The following LONRF1 variants were observed in gnomAD, a reference collection of about 807,000 sequenced individuals.
The protein encoded by LONRF1 is LON peptidase N-terminal domain and ring finger 1, also known as LON peptidase N-terminal domain and RING finger protein 1.
In LONRF1, 37 loss-of-function variants were observed where a neutral mutation model predicts 85.8. The ratio of observed to expected loss-of-function variants is 0.43; its 90% confidence interval spans 0.33 to 0.57. The LOEUF (loss-of-function observed/expected upper bound fraction) is 0.57. Among genes scored for constraint, LONRF1 ranks in the 20% least tolerant of loss-of-function variants. The pLI is 0.04. For missense variants in LONRF1, 1,036 were observed against 978.0 expected, an observed-to-expected ratio of 1.06 and a Z score of -0.79; for synonymous variants, 517 against 390.1, an observed-to-expected ratio of 1.33 and a Z score of -3.83.
Position 12,725,332 on chromosome 8 carries a change from G to A in LONRF1, c.2163+395C>T, listed in dbSNP as rs1013571070. On this transcript the variant is annotated intron_variant, in intron 11 of 11. Transcript: ENST00000398246. ...AAGATGTTTCAAATGTATAGAAAAT[G>A]GTAAGTCTCTCTGCTGTCAAAGAAT... 1.8e-4 allele frequency among the ~76,000 whole-genome samples: 28 copies of A among 152,190 alleles called. 1 individual carries two copies. The highest frequency in any genetic ancestry group is 6.3e-4 in the African/African-American group (26 of 41,444).
At chr8:12,746,223 T>C (rs1267580644) in intron 1 of LONRF1, among the ~76,000 whole-genome samples, 1 of 152,154 alleles carries the variant, frequency 6.6e-6, no homozygotes, top group Non-Finnish European at 1.5e-5. Flanking sequence ...CTACTCTACC[T>C]ATATCCTTAC....
intron 1 of LONRF1, among the ~76,000 whole-genome samples, chr8:12,750,015 G>A (rs1373346458): frequency 6.6e-6 from 1 of 152,096 alleles, no homozygotes; most frequent in Non-Finnish European, 1.5e-5. Flanking sequence ...TTTATGTTTT[G>A]CGTGCTAATT....
Position 12,755,037 on chromosome 8 carries a change from GC to G in LONRF1, c.383del (p.Gly128AlafsTer3), listed in dbSNP as rs1200952040. ...GGLLRCLGCR[G>X]FLSEPVTVPC... Reference sequence around the variant, plus strand: ...GCACGGTCACCGGCTCGCTCAGGAAGCCCCGGCAGCCCAGGCATCTGAGGAG... The same window carrying G: ...GCACGGTCACCGGCTCGCTCAGGAAGCCCGGCAGCCCAGGCATCTGAGGAG... On this transcript the variant is annotated frameshift_variant, in exon 1 of 12. Transcript: ENST00000398246. LOFTEE classifies it high-confidence loss of function. 1 of 1,490,574 alleles carries G rather than the reference GC, an allele frequency of 6.7e-7. No individual in the cohort carries two copies. 92.3% of individuals were successfully genotyped at this position (1,490,574 alleles called of 1,614,324 possible). A position where few individuals can be genotyped will look rare whatever the true frequency, so the allele number is the denominator to read the frequency against.
chr8:12,744,425 T>C (rs1315470806), intron 1 of LONRF1, among the ~76,000 whole-genome samples: 2 of 152,148 alleles, frequency 1.3e-5, no homozygotes, highest in African/African-American at 2.4e-5. Context: ...GTCTAGAATA[T>C]TGTGTCTTGT....
At position 12,723,094 on chromosome 8, in the gene LONRF1, AG is replaced by A. The variant is rs753356142; in HGVS notation, c.*1del. On this transcript the variant is annotated 3_prime_UTR_variant, in exon 12 of 12. Coordinates refer to ENST00000398246, the MANE Select transcript of LONRF1 (RefSeq NM_152271.5). ...ACTTTAAAGGGAGATCCAAAGAGTT[AG>A]TTACTTAGATTGGTCTCTAGAAAAA... 3.0e-5 allele frequency: 49 copies of A among 1,607,876 alleles called. No individual in the cohort carries two copies. In the African/African-American group the frequency reaches 6.0e-4, roughly 20 times the overall value.
Position 12,725,377 on chromosome 8 carries a change from C to T in LONRF1, c.2163+350G>A, listed in dbSNP as rs982442553. ...AAGAATAACAGCAACAGGCGATGGG[C>T]TCAAAGGCATGGTTAGTTGTCCCAC... On this transcript the variant is annotated intron_variant, in intron 11 of 11. Coordinates refer to ENST00000398246, the MANE Select transcript of LONRF1 (RefSeq NM_152271.5). Among the ~76,000 whole-genome samples, 8 of 152,280 alleles carry T rather than the reference C, an allele frequency of 5.3e-5. No homozygotes were observed. In the East Asian group the frequency reaches 1.5e-3, roughly 29 times the overall value.
chr8:12,754,639 C>G, intron 1 of LONRF1, 61 bp downstream of exon 1: 3 of 1,258,196 alleles, frequency 2.4e-6, no homozygotes, highest in Non-Finnish European at 3.0e-6. Context: ...CTCCGGGTCC[C>G]CGGCCCTCGG....
At chr8:12,724,335 G>A (rs1216233162) in intron 11 of LONRF1, among the ~76,000 whole-genome samples, 1 of 152,184 alleles carries the variant, frequency 6.6e-6, no homozygotes, top group Non-Finnish European at 1.5e-5. Flanking sequence ...CTCCACTGCT[G>A]TAGACTGAGA....
At position 12,735,361 on chromosome 8, in the gene LONRF1, C is replaced by A. The variant is rs749250438; in HGVS notation, c.1491G>T (p.Ser497=). The A allele has an allele frequency of 7.5e-6, 12 of 1,607,344 alleles. No homozygotes were observed. The highest frequency in any genetic ancestry group is 4.5e-5 in the East Asian group (2 of 44,804). ...AACGCTCAAGACAATTCTTACAGAACGAATGTCCGCAAGGGGTTGTTACTG... is the reference window on the plus strand; with the variant it reads ...AACGCTCAAGACAATTCTTACAGAAAGAATGTCCGCAAGGGGTTGTTACTG... ...FEPVTTPCGH[S]FCKNCLERCL... Residue 497 remains serine, a synonymous_variant, in exon 7 of 12, where the codon TCG becomes TCT. Coordinates refer to ENST00000398246, the MANE Select transcript of LONRF1 (RefSeq NM_152271.5).
At chr8:12,745,280 T>C (rs982680667) in intron 1 of LONRF1, among the ~76,000 whole-genome samples, 2 of 150,770 alleles carry the variant, frequency 1.3e-5, no homozygotes, top group Non-Finnish European at 2.9e-5. Flanking sequence ...AATGCTCTTA[T>C]TGAAAATGTT....
rs1003907896 is a variant in LONRF1 at position 12,735,406 on chromosome 8, A to C, written c.1452-6T>G. 6.5e-7 allele frequency: 1 copy of C among 1,549,006 alleles called. No homozygotes were observed. Among genetic ancestry groups the C allele is most frequent in the Non-Finnish European group, 8.9e-7 (1 of 1,127,326 alleles). ...TTACTGGCTCAAAAAACAACCTGAA[A>C]TCAACCAAGATACATGTTAGTTTTC... is the stretch of plus-strand genomic sequence containing the variant. On this transcript the variant is annotated splice_polypyrimidine_tract_variant and splice_region_variant and intron_variant, in intron 6 of 11. Transcript: ENST00000398246.
At chr8:12,741,249 G>A (rs963032083) in intron 2 of LONRF1, among the ~76,000 whole-genome samples, 2 of 151,962 alleles carry the variant, frequency 1.3e-5, no homozygotes, top group African/African-American at 4.8e-5. Context: ...CCAGGCACGG[G>A]GGCATGCACC....
chr8:12,750,144 A>T (rs1799320084), intron 1 of LONRF1, among the ~76,000 whole-genome samples: 1 of 152,216 alleles, frequency 6.6e-6, no homozygotes, highest in African/African-American at 2.4e-5. Flanking sequence ...CTTTTCTTAC[A>T]TCTGTGAATT....
Position 12,755,071 on chromosome 8 carries a change from G to T in LONRF1, c.350C>A (p.Ala117Asp). 6.8e-7 allele frequency: 1 copy of T among 1,473,428 alleles called. No individual in the cohort carries two copies. Among genetic ancestry groups the T allele is most frequent in the Non-Finnish European group, 8.9e-7 (1 of 1,117,822 alleles). The allele number at this position is 1,473,428 out of a possible 1,614,324, so 91.3% of individuals were successfully genotyped here. The change falls in exon 1 of 12, where the codon GCC becomes GAC. Residue 117 changes from alanine (A) to aspartate (D), a missense_variant. Physicochemically the swap from Ala to Asp is moderately radical, Grantham distance 126. This residue lies in a region of LONRF1 where 742 missense variants were observed against 614.4 expected (regional missense o/e 1.21). Transcript: ENST00000398246. ...GCCCAGGCATCTGAGGAGCCCGCCGGCGCCGCCGTCAGCGCCTGCAACCGG... is the reference window on the plus strand; with the variant it reads ...GCCCAGGCATCTGAGGAGCCCGCCGTCGCCGCCGTCAGCGCCTGCAACCGG... ...AAPVAGADGG[A>D]GGLLRCLGCR...
At chr8:12,723,289 A>T in intron 11 of LONRF1, 35 bp from the exon 12 acceptor site, 1 of 1,563,988 alleles carries the variant, frequency 6.4e-7, no homozygotes, top group Non-Finnish European at 8.6e-7. Flanking sequence ...CATTAATAAA[A>T]CAAGGATTTA....
rs745872963 is a variant in LONRF1 at position 12,736,777 on chromosome 8, T to C, written c.1375A>G (p.Met459Val). Reference sequence around the variant, plus strand: ...ATATCACCATAAGCTAAGGAAAACATACAGACTTCATTGGGAGTTTCTATT... The same window carrying C: ...ATATCACCATAAGCTAAGGAAAACACACAGACTTCATTGGGAGTTTCTATT... ...KQGETPNEVC[M>V]FSLAYGDIPE... Residue 459 changes from methionine (M) to valine (V), a missense_variant, in exon 6 of 12, where the codon ATG becomes GTG. Met to Val is a conservative substitution (Grantham distance 21). Around this residue, in one of 3 missense-constraint regions of LONRF1, gnomAD observed 742 missense variants for 614.4 expected, o/e 1.21. Coordinates refer to ENST00000398246, the MANE Select transcript of LONRF1 (RefSeq NM_152271.5). 3.7e-6 allele frequency: 6 copies of C among 1,608,830 alleles called. No individual in the cohort carries two copies. The highest frequency in any genetic ancestry group is 5.1e-6 in the Non-Finnish European group (6 of 1,178,128).
intron 1 of LONRF1, among the ~76,000 whole-genome samples, chr8:12,744,254 T>C (rs964172965): frequency 5.3e-5 from 8 of 152,180 alleles, no homozygotes; most frequent in Non-Finnish European, 7.4e-5. Context: ...TGCTTTTCTA[T>C]TCAAAACTCT....
chr8:12,737,347 G>T, intron 4 of LONRF1: 1 of 708,782 alleles, frequency 1.4e-6, no homozygotes, highest in East Asian at 2.7e-5. Context: ...CTCTGCATCC[G>T]TGGGTTCATC....
At chr8:12,737,505 A>G (rs947500951) in intron 4 of LONRF1, 3 of 367,974 alleles carry the variant, frequency 8.2e-6, no homozygotes, top group Non-Finnish European at 1.6e-5. Flanking sequence ...AGATGATTTA[A>G]GTATACAGGA....
Sources: allele counts gnomAD v4.1 joint callset (sites outside exome capture counted in the v4.1 genomes callset), GRCh38; gene constraint gnomAD v4.1.1; regional missense constraint gnomAD v4.1.1; transcripts MANE v1.5; gene names NCBI Gene and HGNC (gene_info 2026-07-23, HGNC 2026-07-21).